RPA1: variants seen among roughly 807,000 people sequenced by gnomAD.
RPA1 encodes replication protein A 70 kDa DNA-binding subunit.
RPA1 carries 49 observed loss-of-function variants against 83.0 expected under a neutral mutation model. The ratio of observed to expected loss-of-function variants is 0.59; its 90% CI spans 0.47 to 0.75. The LOEUF is 0.75. RPA1 is among the 30% of genes least tolerant of loss of function. RPA1 has a pLI of 0.00. For missense variants in RPA1, 693 were observed against 776.1 expected (o/e 0.89, Z 1.27); for synonymous variants, 279 against 281.8 (o/e 0.99, Z 0.10).
chr17:1,885,382 C>T (rs1319095603), intron 13 of RPA1, among the ~76,000 whole-genome samples: 1 of 152,144 alleles, frequency 6.6e-6, no homozygotes, highest in East Asian at 1.9e-4. Context: ...AGTCTTGAAG[C>T]CTCAGTGTCT....
At chr17:1,852,628 T>C (rs1438768584) in intron 4 of RPA1, among the ~76,000 whole-genome samples, 2 of 152,200 alleles carry the variant, frequency 1.3e-5, no homozygotes, top group Admixed American at 1.3e-4. Context: ...CTTTGTGGCC[T>C]AAGGTCATTG....
rs949972715 is a variant in RPA1, at chr17:1,898,211, G to C, written c.*1036G>C. ...CAAGGCATGGAGATCCTTCTTCCTA[G>C]TGTTTGCAGCCCTGAAATGCATCTT... On this transcript the variant is annotated 3_prime_UTR_variant, in exon 17 of 17. Coordinates refer to ENST00000254719, the MANE Select transcript of RPA1 (RefSeq NM_002945.5). 1.3e-5 allele frequency: 2 copies of C among 152,134 alleles called. No homozygotes were observed. Among genetic ancestry groups the C allele is most frequent in the African/African-American group, 2.4e-5 (1 of 41,420 alleles). The allele number at this position is 152,134 out of a possible 1,614,324, so 9.4% of individuals were successfully genotyped here.
In RPA1 at chr17:1,837,127, C is replaced by T. The variant is rs568049238; in HGVS notation, c.34-5676C>T. Among the ~76,000 whole-genome samples the T allele has an allele frequency of 1.2e-4, 19 of 152,168 alleles. No individual in the cohort carries two copies. In the East Asian group the frequency reaches 2.7e-3, roughly 22 times the overall value. On this transcript the variant is annotated intron_variant, in intron 1 of 16. Coordinates refer to ENST00000254719, the MANE Select transcript of RPA1 (RefSeq NM_002945.5). ...CTGGGATTACAGGTGTGAGCCACCA[C>T]GCCCGGCCTAAAAATATTTTTTGTA...
At chr17:1,832,548 G>T (rs984138166) in intron 1 of RPA1, among the ~76,000 whole-genome samples, 1 of 151,602 alleles carries the variant, frequency 6.6e-6, no homozygotes, top group Non-Finnish European at 1.5e-5. Flanking sequence ...CATGATGCCC[G>T]GCTAATTTTT....
rs143611641 is a variant in RPA1 at position 1,895,339 on chromosome 17, ATT to A, written c.1746+251_1746+252del. On this transcript the variant is annotated intron_variant, in intron 16 of 16. Transcript: ENST00000254719. ...ACAATATGGATTTTTTTGTTTGTTT[ATT>A]TTTTTTATTTTTATTTTTTTTCAGT... Among the ~76,000 whole-genome samples the A allele has an allele frequency of 1.5e-3, 203 of 138,356 alleles. 1 individual carries two copies. The highest frequency in any genetic ancestry group is 5.1e-3 in the African/African-American group (197 of 38,942). 90.8% of individuals were successfully genotyped at this position (138,356 alleles called of 152,430 possible).
chr17:1,887,612 G>A (rs1051695846), intron 13 of RPA1, among the ~76,000 whole-genome samples: 7 of 151,280 alleles, frequency 4.6e-5, no homozygotes, highest in South Asian at 4.2e-4. Flanking sequence ...AAAGGGCCAG[G>A]CATGGTGGCT....
At chr17:1,860,421 C>T (rs561027458) in intron 5 of RPA1, among the ~76,000 whole-genome samples, 1 of 152,332 alleles carries the variant, frequency 6.6e-6, no homozygotes, top group South Asian at 2.1e-4. Context: ...GGCTGAATTA[C>T]AGGCATAAGC....
At chr17:1,843,856 C>T (rs950256167) in intron 2 of RPA1, 64 bp from the exon 3 acceptor site, 33 of 1,355,510 alleles carry the variant, frequency 2.4e-5, no homozygotes, top group Middle Eastern at 2.2e-4. Context: ...CCTGCCACTT[C>T]GGTTTACGTA....
chr17:1,836,419 G>T (rs7217805), intron 1 of RPA1, among the ~76,000 whole-genome samples: 1 of 152,022 alleles, frequency 6.6e-6, no homozygotes, highest in East Asian at 1.9e-4. Flanking sequence ...CAAATTGCAC[G>T]TATTTTAAAT....
intron 14 of RPA1, among the ~76,000 whole-genome samples, chr17:1,890,289 G>A (rs1026700164): frequency 1.2e-4 from 19 of 152,076 alleles, no homozygotes; most frequent in African/African-American, 3.4e-4. Context: ...GCTTGAGCCC[G>A]AGAGGTCAAG....
chr17:1,872,514 A>G lies in RPA1; in HGVS notation c.442A>G (p.Ser148Gly), dbSNP rs370337203. Reference sequence around the variant, plus strand: ...CAGCAGGCCCCAGCCGCAGAATGGAAGCTCGGGAATGGGTGAGATGCCTCA... The same window carrying G: ...CAGCAGGCCCCAGCCGCAGAATGGAGGCTCGGGAATGGGTGAGATGCCTCA... ...ASSRPQPQNG[S>G]SGMGSTVSKA... Residue 148 changes from serine (S) to glycine (G), a missense_variant, in exon 6 of 17, where the codon AGC becomes GGC. Physicochemically the swap from Ser to Gly is moderately conservative, Grantham distance 56. Transcript: ENST00000254719. The G allele has an allele frequency of 3.1e-6, 5 of 1,613,812 alleles. No homozygotes were observed. Among genetic ancestry groups the G allele is most frequent in the Admixed American group, 1.7e-5 (1 of 60,004 alleles).
chr17:1,871,695 G>T (rs1913381023), intron 5 of RPA1, among the ~76,000 whole-genome samples: 1 of 152,190 alleles, frequency 6.6e-6, no homozygotes, highest in African/African-American at 2.4e-5. Flanking sequence ...TTTGTGTAAA[G>T]AGTGATGGCA....
chr17:1,837,131 C>T (rs937110283), intron 1 of RPA1, among the ~76,000 whole-genome samples: 8 of 152,030 alleles, frequency 5.3e-5, no homozygotes, highest in East Asian at 1.9e-4. Flanking sequence ...CCACCACGCC[C>T]GGCCTAAAAA....
In RPA1 at chr17:1,872,279, G is replaced by A. The variant is rs534335794; in HGVS notation, c.362-155G>A. 1.5e-5 allele frequency: 17 copies of A among 1,140,644 alleles called. No homozygotes were observed. The East Asian group carries it at 1.8e-4, about 12-fold the overall frequency. The allele number at this position is 1,140,644 out of a possible 1,614,324, so 70.7% of individuals were successfully genotyped here. On this transcript the variant is annotated intron_variant, in intron 5 of 16. Coordinates refer to ENST00000254719, the MANE Select transcript of RPA1 (RefSeq NM_002945.5). ...AAAGTGAACCCCTAGCAAATTCACC[G>A]AGTGCCATGGAATGCCTCAGCACGA... is the stretch of plus-strand genomic sequence containing the variant.
chr17:1,841,564 G>A (rs1912047647), intron 1 of RPA1, among the ~76,000 whole-genome samples: 1 of 152,086 alleles, frequency 6.6e-6, no homozygotes. Flanking sequence ...ACAGCCTCCC[G>A]AAGTGCTGGG....
At position 1,840,668 on chromosome 17, in the gene RPA1, C is replaced by T. The variant is rs780632235; in HGVS notation, c.34-2135C>T. 9.2e-5 allele frequency among the ~76,000 whole-genome samples: 14 copies of T among 152,286 alleles called. No homozygotes were observed. In the South Asian group the frequency reaches 1.0e-3, roughly 11 times the overall value. On this transcript the variant is annotated intron_variant, in intron 1 of 16. Coordinates refer to ENST00000254719, the MANE Select transcript of RPA1 (RefSeq NM_002945.5). ...CAAGCGATCCTCCTGCTTCCGTCTC[C>T]GAAATGCTGGGATTATAGGCAAGAG...
intron 1 of RPA1, among the ~76,000 whole-genome samples, chr17:1,834,777 A>C (rs1302915919): frequency 2.0e-5 from 3 of 152,222 alleles, no homozygotes; most frequent in Non-Finnish European, 4.4e-5. Flanking sequence ...CAGAGGAAGG[A>C]AGTACAGAGA....
intron 1 of RPA1, among the ~76,000 whole-genome samples, chr17:1,836,920 C>T (rs1042786607): frequency 6.6e-6 from 1 of 151,802 alleles, no homozygotes. Context: ...TCACTGCAAC[C>T]TCTGCCTCCT....
At chr17:1,874,063 A>ACT (rs1484028013) in intron 6 of RPA1, among the ~76,000 whole-genome samples, 12 of 142,742 alleles carry the variant, frequency 8.4e-5, no homozygotes, top group African/African-American at 3.1e-4. Flanking sequence ...ACACACACAC[A>ACT]CTTTTGAAGA....
Sources: gnomAD v4.1 joint callset for allele counts (sites outside exome capture counted in the v4.1 genomes callset) on GRCh38, gnomAD v4.1.1 for gene constraint, MANE v1.5 for transcripts, NCBI Gene and HGNC (gene_info 2026-07-23, HGNC 2026-07-21) for gene names.